Variants in MUCL1 observed in about 807,000 individuals in gnomAD.
MUCL1 encodes the protein mucin-like protein 1.
MUCL1 carries 11 observed loss-of-function variants against 9.2 expected under a neutral mutation model. The ratio of observed to expected loss-of-function variants is 1.19; its 90% CI spans 0.75 to 1.97. MUCL1 has a LOEUF of 1.97. Ranked by LOEUF, MUCL1 falls within the 30% of genes most tolerant of loss-of-function variation. The probability of loss-of-function intolerance (pLI) is 0.00; values close to 1 mark genes in which losing one functional copy is unlikely to be tolerated. For missense variants in MUCL1, 144 were observed against 110.9 expected, an observed-to-expected ratio of 1.30 and a Z score of -1.34; for synonymous variants, 48 against 40.5, an observed-to-expected ratio of 1.19 and a Z score of -0.71.
chr12:54,854,924 T>A (rs565378679), intron 1 of MUCL1, among the ~76,000 whole-genome samples, 192 bp from the exon 2 acceptor site: 2 of 152,124 alleles, frequency 1.3e-5, no homozygotes, highest in Admixed American at 1.3e-4. Flanking sequence ...AAAGGAAAAA[T>A]GACCACATAT....
intron 1 of MUCL1, among the ~76,000 whole-genome samples, chr12:54,847,221 C>A (rs7972137): frequency 0.45 from 68,827 of 152,032 alleles, 16,552 homozygotes; most frequent in East Asian, 0.84. Flanking sequence ...GTGCCGGGCA[C>A]TCTTCTAAGT....
At chr12:54,851,073 T>C, upstream of MUCL1, among the ~76,000 whole-genome samples, 1 of 152,244 alleles carries the variant, frequency 6.6e-6, no homozygotes, top group East Asian at 1.9e-4. Context: ...CTTTGTCAGA[T>C]GGAGAGATTG....
chr12:54,857,406 C>T (rs1291818454), intron 3 of MUCL1, among the ~76,000 whole-genome samples: 1 of 152,014 alleles, frequency 6.6e-6, no homozygotes, highest in Non-Finnish European at 1.5e-5. Context: ...GAGTGCCATT[C>T]AGGGTATTTC....
rs139620849 is a variant in MUCL1 at position 54,856,338 on chromosome 12, A to C, written c.101-432A>C. ...TAGTCTGCCTCCTCCTTCCCTCTAGAGTTCATCCCTTTACTCATCCTCATT... is the reference window on the plus strand; with the variant it reads ...TAGTCTGCCTCCTCCTTCCCTCTAGCGTTCATCCCTTTACTCATCCTCATT... On this transcript the variant is annotated intron_variant, in intron 2 of 3. Transcript: ENST00000308796. Among the ~76,000 whole-genome samples, 140 of 152,296 alleles carry C rather than the reference A, an allele frequency of 9.2e-4. No homozygotes were observed. In the Middle Eastern group the frequency reaches 0.017, roughly 19 times the overall value.
At chr12:54,853,250 C>G (rs1309991628), upstream of MUCL1, among the ~76,000 whole-genome samples, 5 of 152,170 alleles carry the variant, frequency 3.3e-5, no homozygotes, top group Admixed American at 6.6e-5. Flanking sequence ...AGAGAATTCC[C>G]TATGATTCTG....
Position 54,858,374 on chromosome 12 carries a change from A to G in MUCL1, c.*132A>G. ...GTTTATTTTCTTTCAAATAAAAAAT[A>G]ACTATGAGCAACATAAAAATGGTAT... is the stretch of plus-strand genomic sequence containing the variant. On this transcript the variant is annotated 3_prime_UTR_variant, in exon 4 of 4. Coordinates refer to ENST00000308796, the MANE Select transcript of MUCL1 (RefSeq NM_058173.3). 3 of 1,129,146 alleles carry G rather than the reference A, an allele frequency of 2.7e-6. No individual in the cohort carries two copies. The highest frequency in any genetic ancestry group is 3.9e-6 in the Non-Finnish European group (3 of 768,278). 69.9% of individuals were successfully genotyped at this position (1,129,146 alleles called of 1,614,324 possible).
intron 1 of MUCL1, among the ~76,000 whole-genome samples, chr12:54,842,518 A>T (rs949654547): frequency 1.3e-5 from 2 of 152,112 alleles, no homozygotes; most frequent in African/African-American, 4.8e-5. Flanking sequence ...GAACCCTTAA[A>T]ATATACTCTC....
In MUCL1 at chr12:54,854,645, G is replaced by C. The variant is rs757804282; in HGVS notation, c.58+5G>C. The stretch of plus-strand genomic sequence containing the variant: ...CCATCTTTCTGGTCTCTGCCCGTAA[G>C]TAAAGATTCTTACCTGAACATAAGT... On this transcript the variant is annotated splice_donor_5th_base_variant and intron_variant, in intron 1 of 3. Transcript: ENST00000308796. 1 of 1,611,702 alleles carries C rather than the reference G, an allele frequency of 6.2e-7. No homozygotes were observed. The highest frequency in any genetic ancestry group is 8.5e-7 in the Non-Finnish European group (1 of 1,178,088).
chr12:54,835,128 T>C (rs946420168), upstream of MUCL1, among the ~76,000 whole-genome samples: 1 of 152,216 alleles, frequency 6.6e-6, no homozygotes, highest in Non-Finnish European at 1.5e-5. Flanking sequence ...GGTGTACATA[T>C]ACCACCTTTT....
chr12:54,855,464 A>G (rs548675718), intron 2 of MUCL1: 45 of 311,356 alleles, frequency 1.4e-4, no homozygotes, highest in Non-Finnish European at 2.3e-4. Flanking sequence ...AGAATTTTTG[A>G]GAGATGCCTC....
chr12:54,844,454 G>C (rs1345804575), intron 1 of MUCL1, among the ~76,000 whole-genome samples: 7 of 152,226 alleles, frequency 4.6e-5, no homozygotes, highest in African/African-American at 1.7e-4. Flanking sequence ...CTAAGGATCT[G>C]GCTGAAAGGT....
chr12:54,840,567 G>A (rs567780741), intron 1 of MUCL1, among the ~76,000 whole-genome samples: 4 of 152,268 alleles, frequency 2.6e-5, no homozygotes, highest in African/African-American at 9.6e-5. Flanking sequence ...CAATGAGCGG[G>A]GTCATAAAGT....
Position 54,846,440 on chromosome 12 carries a change from A to G in MUCL1, c.43+6993A>G, listed in dbSNP as rs138741106. ...GATCAGGGAACCCTCCCATTTCAAT[A>G]ATAGTTGAAAATATCATTCTTCTGA... On this transcript the variant is annotated intron_variant, in intron 1 of 3. Transcript: ENST00000546809. Among the ~76,000 whole-genome samples, 570 of 152,306 alleles carry G rather than the reference A, an allele frequency of 3.7e-3. 3 individuals carry two copies. The highest frequency in any genetic ancestry group is 0.024 in the East Asian group (127 of 5,188).
chr12:54,834,700 T>G (rs1959190021), upstream of MUCL1, among the ~76,000 whole-genome samples: 1 of 151,928 alleles, frequency 6.6e-6, no homozygotes, highest in African/African-American at 2.4e-5. Flanking sequence ...TCTCTAGAAT[T>G]TATTCATCCT....
chr12:54,837,625 C>A (rs920408889), upstream of MUCL1, among the ~76,000 whole-genome samples: 1 of 151,934 alleles, frequency 6.6e-6, no homozygotes, highest in South Asian at 2.1e-4. Flanking sequence ...AAAAATTAGC[C>A]GGGCGTGGTG....
chr12:54,839,048 G>A (rs1324962496), upstream of MUCL1, among the ~76,000 whole-genome samples: 1 of 152,028 alleles, frequency 6.6e-6, no homozygotes, highest in Non-Finnish European at 1.5e-5. Flanking sequence ...CACTTGGGTA[G>A]ACTATTTCTC....
chr12:54,853,136 T>C (rs946035653), upstream of MUCL1, among the ~76,000 whole-genome samples: 1 of 152,166 alleles, frequency 6.6e-6, no homozygotes, highest in African/African-American at 2.4e-5. Context: ...AGATGTTCAG[T>C]GCTCTTCCAG....
chr12:54,835,742 G>A (rs1452623989), upstream of MUCL1, among the ~76,000 whole-genome samples: 1 of 151,804 alleles, frequency 6.6e-6, no homozygotes, highest in African/African-American at 2.4e-5. Context: ...TTATTTTGAA[G>A]TATGTTCTTT....
intron 1 of MUCL1, 102 bp downstream of exon 1, chr12:54,854,742 C>T: frequency 1.0e-6 from 1 of 999,318 alleles, no homozygotes; most frequent in South Asian, 1.5e-5. Flanking sequence ...TGCTTTTTTA[C>T]CTCTCCTAAC....
Sources: allele counts gnomAD v4.1 joint callset (sites outside exome capture counted in the v4.1 genomes callset), GRCh38; gene constraint gnomAD v4.1.1; transcripts MANE v1.5; gene names NCBI Gene and HGNC (gene_info 2026-07-23, HGNC 2026-07-21).